Variants in CAMKV observed in about 807,000 individuals in gnomAD.
The protein encoded by CAMKV is caM kinase-like vesicle-associated protein.
A neutral mutation model predicts 50.2 loss-of-function variants in CAMKV; 5 were observed. The observed-to-expected ratio is 0.10, with a 90% CI of 0.05 to 0.21. CAMKV has a LOEUF of 0.21. Among genes scored for constraint, CAMKV ranks in the 10% least tolerant of loss-of-function variants. The pLI is 1.00. For missense variants in CAMKV, 361 were observed against 650.5 expected (o/e 0.55, Z 4.84); for synonymous variants, 229 against 250.1 (o/e 0.92, Z 0.80).
rs1282636898 is a variant in CAMKV, at chr3:49,862,802, T to A, written c.-14-400A>T. Reference sequence around the variant, plus strand: ...GAGCTAACAAGTGTTAGTGGATATATGAAGAACGTGAGCACTGCTAGGAGA... The same window carrying A: ...GAGCTAACAAGTGTTAGTGGATATAAGAAGAACGTGAGCACTGCTAGGAGA... On this transcript the variant is annotated intron_variant, in intron 1 of 10. Coordinates refer to ENST00000477224, the MANE Select transcript of CAMKV (RefSeq NM_024046.5). The surrounding 1 kb of genome is among the most constrained non-coding windows in gnomAD (Gnocchi z 5.2). Among the ~76,000 whole-genome samples, 1 of 152,226 alleles carries A rather than the reference T, an allele frequency of 6.6e-6. No homozygotes were observed. The highest frequency in any genetic ancestry group is 1.5e-5 in the Non-Finnish European group (1 of 68,044).
Position 49,860,277 on chromosome 3 carries a change from T to C in CAMKV, c.855-19A>G, listed in dbSNP as rs1559456105. The C allele has an allele frequency of 6.2e-7, 1 of 1,610,214 alleles. No individual in the cohort carries two copies. ...AGAAATCCTGGAAAGGGTGCAAGTG[T>C]GTCTGGATCTGAGAGAATGAGCCTT... On this transcript the variant is annotated intron_variant, in intron 9 of 10. Transcript: ENST00000477224. This position sits in a 1 kb window ranked among gnomAD's most constrained non-coding sequence, Gnocchi z 6.1.
In CAMKV at chr3:49,860,465, G is replaced by C. The variant is rs1338728306; in HGVS notation, c.854+6C>G. On this transcript the variant is annotated splice_donor_region_variant and intron_variant, in intron 9 of 10. Coordinates refer to ENST00000477224, the MANE Select transcript of CAMKV (RefSeq NM_024046.5). The surrounding 1 kb of genome is among the most constrained non-coding windows in gnomAD (Gnocchi z 6.1). The stretch of plus-strand genomic sequence containing the variant: ...CCTCTCCCACCCTCCCCTGGACCCT[G>C]CTCACCACTCATGGGAGATGGCCTC... 1 of 1,612,466 alleles carries C rather than the reference G, an allele frequency of 6.2e-7. No homozygotes were observed. Among genetic ancestry groups the C allele is most frequent in the African/African-American group, 1.3e-5 (1 of 74,866 alleles).
chr3:49,862,437 A>G lies in CAMKV; in HGVS notation c.-14-35T>C, dbSNP rs755999717. ...CAATGGGGTCTGGCTTAGCTGTACT[A>G]CTCTCCACTTCCCCACAACATAGGG... is the stretch of plus-strand genomic sequence containing the variant. On this transcript the variant is annotated intron_variant, in intron 1 of 10. Coordinates refer to ENST00000477224, the MANE Select transcript of CAMKV (RefSeq NM_024046.5). This position sits in a 1 kb window ranked among gnomAD's most constrained non-coding sequence, Gnocchi z 5.2. The G allele has an allele frequency of 2.6e-6, 4 of 1,560,634 alleles. No homozygotes were observed. Among genetic ancestry groups the G allele is most frequent in the Non-Finnish European group, 3.5e-6 (4 of 1,131,212 alleles).
intron 1 of CAMKV, among the ~76,000 whole-genome samples, chr3:49,865,591 G>C (rs2082058257): frequency 6.6e-6 from 1 of 152,208 alleles, no homozygotes; most frequent in African/African-American, 2.4e-5. Flanking sequence ...TCAATGGTAG[G>C]AAGTGTGGGC....
At position 49,860,451 on chromosome 3, in the gene CAMKV, C is replaced by T. The variant is rs1342312169; in HGVS notation, c.854+20G>A. On this transcript the variant is annotated intron_variant, in intron 9 of 10. Transcript: ENST00000477224. The surrounding 1 kb of genome is among the most constrained non-coding windows in gnomAD (Gnocchi z 6.1). Reference sequence around the variant, plus strand: ...GAGGGGGACCCTGGCCTCTCCCACCCTCCCCTGGACCCTGCTCACCACTCA... The same window carrying T: ...GAGGGGGACCCTGGCCTCTCCCACCTTCCCCTGGACCCTGCTCACCACTCA... 1 of 1,611,268 alleles carries T rather than the reference C, an allele frequency of 6.2e-7. No homozygotes were observed. The highest frequency in any genetic ancestry group is 1.7e-5 in the Admixed American group (1 of 59,730).
Position 49,862,139 on chromosome 3 carries a change from T to A in CAMKV, c.133A>T (p.Thr45Ser). Reference sequence around the variant, plus strand: ...TTGCAGGTGTGCAGCTTGCCTGTCGTCTTGTCCTTGGCCCGGAAGATTTCA... The same window carrying A: ...TTGCAGGTGTGCAGCTTGCCTGTCGACTTGTCCTTGGCCCGGAAGATTTCA... ...FCEIFRAKDK[T>S]TGKLHTCKKF... The change falls in exon 3 of 11, where the codon ACG (threonine) becomes TCG (serine). Residue 45 changes from threonine to serine, a missense_variant. Thr to Ser is a moderately conservative substitution (Grantham distance 58, BLOSUM62 1). Around this residue, in one of 4 missense-constraint regions of CAMKV, gnomAD observed 172 missense variants for 414.3 expected, o/e 0.42. Transcript: ENST00000477224. The surrounding 1 kb of genome is among the most constrained non-coding windows in gnomAD (Gnocchi z 5.2). The A allele has an allele frequency of 3.7e-6, 6 of 1,614,166 alleles. No individual in the cohort carries two copies. Among genetic ancestry groups the A allele is most frequent in the Non-Finnish European group, 5.1e-6 (6 of 1,180,024 alleles).
rs536609573 is a variant in CAMKV at position 49,862,926 on chromosome 3, G to A, written c.-14-524C>T. ...TTGCACTCCTAAATACGTGCCTACA[G>A]AAGTGCACATATTCGTGCATCAGGA... On this transcript the variant is annotated intron_variant, in intron 1 of 10. Coordinates refer to ENST00000477224, the MANE Select transcript of CAMKV (RefSeq NM_024046.5). This position sits in a 1 kb window ranked among gnomAD's most constrained non-coding sequence, Gnocchi z 5.2. Among the ~76,000 whole-genome samples, 28 of 152,340 alleles carry A rather than the reference G, an allele frequency of 1.8e-4. No individual in the cohort carries two copies. In the South Asian group the frequency reaches 5.6e-3, roughly 30 times the overall value.
chr3:49,868,700 C>G (rs946429101), intron 1 of CAMKV, among the ~76,000 whole-genome samples: 1 of 152,168 alleles, frequency 6.6e-6, no homozygotes, highest in African/African-American at 2.4e-5. Context: ...GCTCAGAAGT[C>G]GCTGGAGCTG....
Position 49,859,456 on chromosome 3 carries a change from T to C in CAMKV, c.1368A>G (p.Ala456=). The C allele has an allele frequency of 6.2e-7, 1 of 1,613,884 alleles. No individual in the cohort carries two copies. Among genetic ancestry groups the C allele is most frequent in the Non-Finnish European group, 8.5e-7 (1 of 1,179,792 alleles). Residue 456 remains alanine (A), a synonymous_variant, in exon 11 of 11, where the codon GCA becomes GCG. Transcript: ENST00000477224. This position sits in a 1 kb window ranked among gnomAD's most constrained non-coding sequence, Gnocchi z 5.5. The part of the protein sequence containing the change: ...TQSSAMLATK[A]AATPEPAMAQ... Reference sequence around the variant, plus strand: ...CCATAGCCGGCTCAGGGGTGGCAGCTGCCTTGGTGGCCAGCATGGCACTGC... The same window carrying C: ...CCATAGCCGGCTCAGGGGTGGCAGCCGCCTTGGTGGCCAGCATGGCACTGC...
Position 49,860,470 on chromosome 3 carries a change from C to T in CAMKV, c.854+1G>A. Reference sequence around the variant, plus strand: ...CCCACCCTCCCCTGGACCCTGCTCACCACTCATGGGAGATGGCCTCTTCTG... The same window carrying T: ...CCCACCCTCCCCTGGACCCTGCTCATCACTCATGGGAGATGGCCTCTTCTG... On this transcript the variant is annotated splice_donor_variant, in intron 9 of 10. Transcript: ENST00000477224. LOFTEE classifies it high-confidence loss of function. The surrounding 1 kb of genome is among the most constrained non-coding windows in gnomAD (Gnocchi z 6.1). 6.2e-7 allele frequency: 1 copy of T among 1,613,172 alleles called. No individual in the cohort carries two copies. Among genetic ancestry groups the T allele is most frequent in the Non-Finnish European group, 8.5e-7 (1 of 1,179,588 alleles).
intron 1 of CAMKV, among the ~76,000 whole-genome samples, chr3:49,864,353 G>A (rs928058882): frequency 6.6e-6 from 1 of 152,116 alleles, no homozygotes; most frequent in Non-Finnish European, 1.5e-5. Flanking sequence ...ATGCCCACTG[G>A]GGCCCACAGG....
chr3:49,859,237 A>C lies in CAMKV; in HGVS notation c.*81T>G. On this transcript the variant is annotated 3_prime_UTR_variant, in exon 11 of 11. Coordinates refer to ENST00000477224, the MANE Select transcript of CAMKV (RefSeq NM_024046.5). This position sits in a 1 kb window ranked among gnomAD's most constrained non-coding sequence, Gnocchi z 5.5. ...GGGGAGCGAGGGCATCATGCCAGTG[A>C]CTCTATGTACAGTGAGAAGCCCCTC... The C allele has an allele frequency of 1.6e-6, 2 of 1,265,722 alleles. No homozygotes were observed. The highest frequency in any genetic ancestry group is 2.2e-6 in the Non-Finnish European group (2 of 923,560). The allele number at this position is 1,265,722 out of a possible 1,614,324, so 78.4% of individuals were successfully genotyped here.
In CAMKV at chr3:49,869,526, A is replaced by C. The variant is rs1324813176; in HGVS notation, c.-15+232T>G. Among the ~76,000 whole-genome samples, 1 of 152,082 alleles carries C rather than the reference A, an allele frequency of 6.6e-6. No individual in the cohort carries two copies. The highest frequency in any genetic ancestry group is 1.5e-5 in the Non-Finnish European group (1 of 68,000). The stretch of plus-strand genomic sequence containing the variant: ...TAATCTTTTCACAATTCCGAGCCGC[A>C]GAAGCTTCCCCCCAGAACCCCCAAG... On this transcript the variant is annotated intron_variant, in intron 1 of 10. Transcript: ENST00000477224. The surrounding 1 kb of genome is among the most constrained non-coding windows in gnomAD (Gnocchi z 5.2).
chr3:49,860,642 C>T lies in CAMKV; in HGVS notation c.775+74G>A. 2 of 1,611,622 alleles carry T rather than the reference C, an allele frequency of 1.2e-6. No individual in the cohort carries two copies. Among genetic ancestry groups the T allele is most frequent in the Non-Finnish European group, 1.7e-6 (2 of 1,178,000 alleles). The stretch of plus-strand genomic sequence containing the variant: ...GCTGGGGGACAGAAGCAGAATACCA[C>T]AGAGGAAGATGAGAGCAGGACACCC... On this transcript the variant is annotated intron_variant, in intron 8 of 10. Transcript: ENST00000477224. This position sits in a 1 kb window ranked among gnomAD's most constrained non-coding sequence, Gnocchi z 6.1.
Position 49,861,609 on chromosome 3 carries a change from G to A in CAMKV, c.303-32C>T. 2.5e-6 allele frequency: 4 copies of A among 1,613,792 alleles called. No homozygotes were observed. The highest frequency in any genetic ancestry group is 3.4e-6 in the Non-Finnish European group (4 of 1,179,948). ...GACACCAGCCCCTGAGCCTGGCGTG[G>A]GCAGAATCAGGGGTAGGGCAGGAGC... On this transcript the variant is annotated intron_variant, in intron 4 of 10. Transcript: ENST00000477224. This position sits in a 1 kb window ranked among gnomAD's most constrained non-coding sequence, Gnocchi z 7.7.
Position 49,862,538 on chromosome 3 carries a change from G to A in CAMKV, c.-14-136C>T. 1 of 726,508 alleles carries A rather than the reference G, an allele frequency of 1.4e-6. No homozygotes were observed. The highest frequency in any genetic ancestry group is 2.4e-6 in the Non-Finnish European group (1 of 421,146). 45.0% of individuals were successfully genotyped at this position (726,508 alleles called of 1,614,324 possible). A position where few individuals can be genotyped will look rare whatever the true frequency, so the allele number is the denominator to read the frequency against. On this transcript the variant is annotated intron_variant, in intron 1 of 10. Coordinates refer to ENST00000477224, the MANE Select transcript of CAMKV (RefSeq NM_024046.5). This position sits in a 1 kb window ranked among gnomAD's most constrained non-coding sequence, Gnocchi z 5.2. Reference sequence around the variant, plus strand: ...CCATACCAGGAGGGGCTAGAGGATAGGCAGGCTTAGATCCTACCCCTGCTT... The same window carrying A: ...CCATACCAGGAGGGGCTAGAGGATAAGCAGGCTTAGATCCTACCCCTGCTT...
rs780827857 is a variant in CAMKV at position 49,861,077 on chromosome 3, C to T, written c.563-59G>A. On this transcript the variant is annotated intron_variant, in intron 6 of 10. Transcript: ENST00000477224. This position sits in a 1 kb window ranked among gnomAD's most constrained non-coding sequence, Gnocchi z 7.7. ...CAGGCCTAGCCAGGTCCAGTACCAT[C>T]CACACCAGCTTCCTGAGATGAGCAC... The T allele has an allele frequency of 2.5e-6, 4 of 1,610,136 alleles. No homozygotes were observed. The highest frequency in any genetic ancestry group is 3.4e-6 in the Non-Finnish European group (4 of 1,177,792).
chr3:49,860,286 C>A lies in CAMKV; in HGVS notation c.855-28G>T. 6.2e-7 allele frequency: 1 copy of A among 1,606,680 alleles called. No homozygotes were observed. The highest frequency in any genetic ancestry group is 1.1e-5 in the South Asian group (1 of 90,898). On this transcript the variant is annotated intron_variant, in intron 9 of 10. Transcript: ENST00000477224. The surrounding 1 kb of genome is among the most constrained non-coding windows in gnomAD (Gnocchi z 6.1). ...GGAAAGGGTGCAAGTGTGTCTGGATCTGAGAGAATGAGCCTTTGTGGAGAC... is the reference window on the plus strand; with the variant it reads ...GGAAAGGGTGCAAGTGTGTCTGGATATGAGAGAATGAGCCTTTGTGGAGAC...
chr3:49,860,760 T>A lies in CAMKV; in HGVS notation c.731A>T (p.Asp244Val). The A allele has an allele frequency of 6.2e-7, 1 of 1,614,156 alleles. No homozygotes were observed. Among genetic ancestry groups the A allele is most frequent in the Non-Finnish European group, 8.5e-7 (1 of 1,180,024 alleles). ...KNLFRKILAG[D>V]YEFDSPYWDD... ...CCAATATGGAGAGTCAAACTCATAG[T>A]CACCAGCCAGGATCTTGCGGAAGAG... is the stretch of plus-strand genomic sequence containing the variant. Residue 244 changes from aspartate to valine, a missense_variant, in exon 8 of 11, where the codon GAC becomes GTC. This residue lies in a region of CAMKV where 172 missense variants were observed against 414.3 expected (regional missense o/e 0.42). Transcript: ENST00000477224. The surrounding 1 kb of genome is among the most constrained non-coding windows in gnomAD (Gnocchi z 6.1).
Sources: gnomAD v4.1 joint callset for allele counts (sites outside exome capture counted in the v4.1 genomes callset) on GRCh38, gnomAD v4.1.1 for gene constraint, gnomAD v4.1.1 regional missense constraint, Gnocchi (gnomAD v3.1) non-coding constraint, MANE v1.5 for transcripts, NCBI Gene and HGNC (gene_info 2026-07-23, HGNC 2026-07-21) for gene names.